SGCZ: variants seen among roughly 807,000 people sequenced by gnomAD.
SGCZ encodes the protein sarcoglycan zeta, also known as zeta-sarcoglycan.
SGCZ carries 40 observed loss-of-function variants against 41.3 expected under a neutral mutation model. The ratio of observed to expected loss-of-function variants is 0.97; its 90% confidence interval spans 0.75 to 1.26. The LOEUF (loss-of-function observed/expected upper bound fraction) is 1.26, where lower values mean the gene tolerates loss of function less well. SGCZ is among the 50% of genes most tolerant of loss of function. The pLI, the probability that SGCZ is intolerant of heterozygous loss-of-function variation, is 0.00. For synonymous variants in SGCZ, 206 were observed against 137.5 expected (o/e 1.50, Z -3.49); for missense variants, 552 against 369.8 (o/e 1.49, Z -4.04).
intron 2 of SGCZ, among the ~76,000 whole-genome samples, chr8:14,389,735 A>G (rs1326618263): frequency 6.6e-6 from 1 of 152,038 alleles, no homozygotes; most frequent in African/African-American, 2.4e-5. Context: ...AGAAACTCGC[A>G]AAGAGCAAAC....
At chr8:14,590,781 A>G (rs1805214758) in intron 1 of SGCZ, among the ~76,000 whole-genome samples, 1 of 148,082 alleles carries the variant, frequency 6.8e-6, no homozygotes, top group African/African-American at 2.4e-5. Context: ...ATAATATAGT[A>G]TCTGTACTTT....
intron 1 of SGCZ, among the ~76,000 whole-genome samples, chr8:15,126,379 T>C: frequency 6.6e-6 from 1 of 152,302 alleles, no homozygotes; most frequent in South Asian, 2.1e-4. Flanking sequence ...GAAAAAGATT[T>C]TTTAAAATAA....
At chr8:14,415,118 G>T (rs1585478385) in intron 2 of SGCZ, among the ~76,000 whole-genome samples, 1 of 151,750 alleles carries the variant, frequency 6.6e-6, no homozygotes, top group African/African-American at 2.4e-5. Flanking sequence ...TGTAATTTCA[G>T]TGACTTTCAA....
At chr8:14,293,919 C>A (rs1217992415) in intron 3 of SGCZ, among the ~76,000 whole-genome samples, 1 of 151,684 alleles carries the variant, frequency 6.6e-6, no homozygotes, top group African/African-American at 2.4e-5. Context: ...TAAATGTTTT[C>A]ATCAATTTTA....
At chr8:14,913,688 G>T (rs987550558) in intron 1 of SGCZ, among the ~76,000 whole-genome samples, 9 of 151,956 alleles carry the variant, frequency 5.9e-5, no homozygotes, top group Non-Finnish European at 1.2e-4. Context: ...TTTAAATTAT[G>T]TGTGGGATAT....
At chr8:14,589,977 G>A (rs575312485) in intron 1 of SGCZ, among the ~76,000 whole-genome samples, 11 of 152,154 alleles carry the variant, frequency 7.2e-5, no homozygotes, top group African/African-American at 2.6e-4. Flanking sequence ...TGATTATGAA[G>A]CCAACTCTTT....
At chr8:15,199,994 A>G (rs892875355) in intron 1 of SGCZ, among the ~76,000 whole-genome samples, 7 of 152,202 alleles carry the variant, frequency 4.6e-5, no homozygotes, top group African/African-American at 1.7e-4. Flanking sequence ...ATTACATGGC[A>G]TATTTGTTGT....
intron 1 of SGCZ, among the ~76,000 whole-genome samples, chr8:14,608,608 T>C (rs905950622): frequency 6.7e-6 from 1 of 150,210 alleles, no homozygotes; most frequent in Admixed American, 6.7e-5. Context: ...AATAAAACTA[T>C]ATTTAGTCTG....
At chr8:15,199,972 T>C (rs1034011781) in intron 1 of SGCZ, among the ~76,000 whole-genome samples, 8 of 152,186 alleles carry the variant, frequency 5.3e-5, no homozygotes, top group African/African-American at 9.6e-5. Flanking sequence ...GGAAGAATGA[T>C]AGCACCTTCA....
chr8:14,277,471 C>T (rs559633970), intron 3 of SGCZ, among the ~76,000 whole-genome samples: 1 of 152,240 alleles, frequency 6.6e-6, no homozygotes, highest in African/African-American at 2.4e-5. Context: ...ACACATGTAT[C>T]ATTCTGTATT....
chr8:14,652,889 T>G (rs967995126), intron 1 of SGCZ, among the ~76,000 whole-genome samples: 1 of 152,104 alleles, frequency 6.6e-6, no homozygotes, highest in Non-Finnish European at 1.5e-5. Context: ...TACTAAGCTA[T>G]GCCTAATTTC....
chr8:14,803,764 C>T (rs954227950), intron 1 of SGCZ, among the ~76,000 whole-genome samples: 10 of 150,582 alleles, frequency 6.6e-5, no homozygotes, highest in African/African-American at 1.7e-4. Context: ...GTAGGCTCCA[C>T]CTCTGGGGGC....
rs1801582639 is a variant in SGCZ, at chr8:14,088,240, A to C, written c.*2203T>G. ...ATTTTATTCAATACTTTTGCTGTGA[A>C]GTTGAGTAAACTGAAGCCTGGAGAG... On this transcript the variant is annotated 3_prime_UTR_variant, in exon 8 of 8. Coordinates refer to ENST00000382080, the MANE Select transcript of SGCZ (RefSeq NM_139167.4). Among the ~76,000 whole-genome samples, 2 of 151,934 alleles carry C rather than the reference A, an allele frequency of 1.3e-5. No individual in the cohort carries two copies. Among genetic ancestry groups the C allele is most frequent in the East Asian group, 1.9e-4 (1 of 5,136 alleles).
chr8:14,246,453 G>A (rs1034241798), intron 3 of SGCZ, among the ~76,000 whole-genome samples: 4 of 151,938 alleles, frequency 2.6e-5, no homozygotes, highest in African/African-American at 7.3e-5. Context: ...TTGTGGGGTG[G>A]GGGGAGCGGG....
At chr8:14,207,154 C>A (rs375450568) in intron 4 of SGCZ, among the ~76,000 whole-genome samples, 1 of 12,804 alleles carries the variant, frequency 7.8e-5, no homozygotes, top group Non-Finnish European at 1.2e-4. Flanking sequence ...GGTGGCTATT[C>A]TTTTTTGCTT....
At chr8:15,035,091 T>C (rs954043617) in intron 1 of SGCZ, among the ~76,000 whole-genome samples, 2 of 152,142 alleles carry the variant, frequency 1.3e-5, no homozygotes, top group Non-Finnish European at 2.9e-5. Context: ...AAATCATTTG[T>C]ATTTTTAGTA....
intron 5 of SGCZ, among the ~76,000 whole-genome samples, chr8:14,145,859 G>A (rs62490850): frequency 0.041 from 6,271 of 152,162 alleles, 186 homozygotes; most frequent in East Asian, 0.11. Flanking sequence ...GCTGGAGGAA[G>A]AATTAGCTCT....
intron 1 of SGCZ, among the ~76,000 whole-genome samples, chr8:15,229,772 A>G (rs1319808379): frequency 6.6e-6 from 1 of 152,214 alleles, no homozygotes; most frequent in African/African-American, 2.4e-5. Flanking sequence ...TTATTGTATC[A>G]TGTTTCACAA....
intron 1 of SGCZ, among the ~76,000 whole-genome samples, chr8:15,227,379 T>C (rs781435763): frequency 1.2e-4 from 18 of 152,202 alleles, no homozygotes; most frequent in South Asian, 4.1e-4. Flanking sequence ...TTTTGAAAGT[T>C]AAATTCTTGC....
Sources: gnomAD v4.1 joint callset for allele counts (sites outside exome capture counted in the v4.1 genomes callset) on GRCh38, gnomAD v4.1.1 for gene constraint, MANE v1.5 for transcripts, NCBI Gene and HGNC (gene_info 2026-07-23, HGNC 2026-07-21) for gene names.